The following SKI variants were observed in gnomAD, a reference collection of about 807,000 sequenced individuals.
The protein encoded by SKI is ski oncogene.
SKI carries 23 observed loss-of-function variants against 59.3 expected under a neutral mutation model. The observed-to-expected ratio is 0.39, with a 90% CI of 0.28 to 0.55. SKI has a LOEUF of 0.55. SKI is among the 20% of genes least tolerant of loss of function. The probability of loss-of-function intolerance (pLI) is 0.67; values close to 1 mark genes in which losing one functional copy is unlikely to be tolerated. For missense variants in SKI, 1,017 were observed against 1,038.9 expected (o/e 0.98, Z 0.29); for synonymous variants, 673 against 488.6 (o/e 1.38, Z -4.98).
chr1:2,229,941 C>T lies in SKI; in HGVS notation c.969+206C>T, dbSNP rs1191877043. Among the ~76,000 whole-genome samples, 1 of 152,226 alleles carries T rather than the reference C, an allele frequency of 6.6e-6. No homozygotes were observed. The highest frequency in any genetic ancestry group is 1.5e-5 in the Non-Finnish European group (1 of 68,044). The stretch of plus-strand genomic sequence containing the variant: ...TAGGAAGGCCCTCCTGCCCGTTCCC[C>T]AGGACGAGCCTGGAGTGCGGGCTGT... On this transcript the variant is annotated intron_variant, in intron 1 of 6. Transcript: ENST00000378536. This position sits in a 1 kb window ranked among gnomAD's most constrained non-coding sequence, Gnocchi z 6.3.
chr1:2,295,057 TAGA>T (rs1194509231), intron 1 of SKI, among the ~76,000 whole-genome samples: 1 of 152,218 alleles, frequency 6.6e-6, no homozygotes, highest in Non-Finnish European at 1.5e-5. Flanking sequence ...TGATGGGCTT[TAGA>T]AGGTGAAAAA....
At chr1:2,287,665 AG>A (rs530308736) in intron 1 of SKI, among the ~76,000 whole-genome samples, 4 of 151,510 alleles carry the variant, frequency 2.6e-5, no homozygotes, top group Admixed American at 2.0e-4. Context: ...GGTCTGCCGC[AG>A]GGGGGGTGTG....
chr1:2,241,520 G>A (rs1055405454), intron 1 of SKI, among the ~76,000 whole-genome samples: 3 of 152,120 alleles, frequency 2.0e-5, no homozygotes, highest in East Asian at 1.9e-4. Context: ...AGCCTCCCGA[G>A]TAGCTGGGAC....
Position 2,303,815 on chromosome 1 carries a change from T to G in SKI, c.1212-25T>G. ...GTGGTGCTTGGGGACAGAGGCACCT[T>G]CCCGACACCCGCCTGCCCCTCCAGC... is the stretch of plus-strand genomic sequence containing the variant. On this transcript the variant is annotated intron_variant, in intron 3 of 6. Transcript: ENST00000378536. This position sits in a 1 kb window ranked among gnomAD's most constrained non-coding sequence, Gnocchi z 5.6. 4 of 1,610,848 alleles carry G rather than the reference T, an allele frequency of 2.5e-6. No homozygotes were observed. The highest frequency in any genetic ancestry group is 3.4e-6 in the Non-Finnish European group (4 of 1,179,394).
At chr1:2,251,205 C>T (rs1003468917) in intron 1 of SKI, among the ~76,000 whole-genome samples, 15 of 152,306 alleles carry the variant, frequency 9.8e-5, no homozygotes, top group Admixed American at 3.3e-4. Context: ...GAGTCACTTA[C>T]TGTCCGTTCT....
intron 1 of SKI, among the ~76,000 whole-genome samples, chr1:2,275,499 G>C (rs1198674159): frequency 6.6e-6 from 1 of 152,114 alleles, no homozygotes; most frequent in East Asian, 1.9e-4. Flanking sequence ...GGGAGAGTTT[G>C]CTTTTTCCAG....
intron 1 of SKI, among the ~76,000 whole-genome samples, chr1:2,263,980 A>T (rs755318548): frequency 9.9e-5 from 15 of 151,850 alleles, no homozygotes; most frequent in Admixed American, 3.9e-4. Flanking sequence ...GTTCGAGAAC[A>T]GCCTGGGCAA....
At chr1:2,282,841 C>T (rs565797127) in intron 1 of SKI, among the ~76,000 whole-genome samples, 3 of 152,328 alleles carry the variant, frequency 2.0e-5, no homozygotes, top group African/African-American at 7.2e-5. Flanking sequence ...AAGGGTGGGT[C>T]TGGTTCTCAG....
In SKI at chr1:2,229,725, G is replaced by A. The variant is rs754316077; in HGVS notation, c.959G>A (p.Arg320Gln). The A allele has an allele frequency of 3.8e-6, 6 of 1,560,250 alleles. No individual in the cohort carries two copies. The highest frequency in any genetic ancestry group is 5.2e-6 in the Non-Finnish European group (6 of 1,152,820). Residue 320 changes from arginine (R) to glutamine (Q), a missense_variant, in exon 1 of 7, where the codon CGG (arginine) becomes CAG (glutamine). Arg to Gln is a conservative substitution (Grantham distance 43). Coordinates refer to ENST00000378536, the MANE Select transcript of SKI (RefSeq NM_003036.4). The surrounding 1 kb of genome is among the most constrained non-coding windows in gnomAD (Gnocchi z 6.3). Reference protein sequence around the residue: ...KFDYGNKYKRRVPRVSSEPPA... With the variant: ...KFDYGNKYKRQVPRVSSEPPA... The stretch of plus-strand genomic sequence containing the variant: ...GACTATGGCAACAAGTACAAGCGGC[G>A]GGTGCCCCGGGTGAGTGGCCCCAGG...
At chr1:2,258,796 C>T (rs1425388429) in intron 1 of SKI, among the ~76,000 whole-genome samples, 1 of 152,144 alleles carries the variant, frequency 6.6e-6, no homozygotes, top group African/African-American at 2.4e-5. Context: ...AGCTACCCAC[C>T]TTGGCCTCCC....
chr1:2,232,096 C>T (rs938255995), intron 1 of SKI, among the ~76,000 whole-genome samples: 30 of 152,248 alleles, frequency 2.0e-4, no homozygotes, highest in Non-Finnish European at 7.3e-5. Context: ...GCCCCGCCTC[C>T]GCCCTCACTG....
At chr1:2,233,888 C>CGT (rs1055223311) in intron 1 of SKI, among the ~76,000 whole-genome samples, 3 of 152,170 alleles carry the variant, frequency 2.0e-5, no homozygotes, top group African/African-American at 7.2e-5. Flanking sequence ...GCTCAGCGGC[C>CGT]GTGTGTGGGT....
chr1:2,302,178 T>A (rs1490060892), intron 1 of SKI, among the ~76,000 whole-genome samples: 1 of 152,136 alleles, frequency 6.6e-6, no homozygotes, highest in Non-Finnish European at 1.5e-5. Context: ...CACCTGGTTC[T>A]GAGTGGGCTG....
At chr1:2,293,598 C>G (rs1640216299) in intron 1 of SKI, among the ~76,000 whole-genome samples, 1 of 152,214 alleles carries the variant, frequency 6.6e-6, no homozygotes, top group African/African-American at 2.4e-5. Context: ...GCTCGAGCAT[C>G]TGGTATCTCC....
Position 2,246,058 on chromosome 1 carries a change from A to C in SKI, c.969+16323A>C, listed in dbSNP as rs189067173. On this transcript the variant is annotated intron_variant, in intron 1 of 6. Coordinates refer to ENST00000378536, the MANE Select transcript of SKI (RefSeq NM_003036.4). ...CCGTCATCCCGCCTCGGCCTCCCAA[A>C]GTGCTGGGATTACAGGCGTGAGCCA... Among the ~76,000 whole-genome samples, 713 of 152,180 alleles carry C rather than the reference A, an allele frequency of 4.7e-3. 3 individuals carry two copies. Among genetic ancestry groups the C allele is most frequent in the Non-Finnish European group, 7.5e-3 (507 of 67,984 alleles).
At chr1:2,275,398 G>A (rs1477300826) in intron 1 of SKI, among the ~76,000 whole-genome samples, 1 of 152,254 alleles carries the variant, frequency 6.6e-6, no homozygotes, top group Non-Finnish European at 1.5e-5. Flanking sequence ...CTTTTTAGGT[G>A]CTCTGAGGCG....
At chr1:2,299,818 C>T (rs1306616790) in intron 1 of SKI, among the ~76,000 whole-genome samples, 1 of 152,204 alleles carries the variant, frequency 6.6e-6, no homozygotes, top group African/African-American at 2.4e-5. Context: ...TTCCTGGCAC[C>T]TTACAGGCCT....
In SKI at chr1:2,306,753, G is replaced by A. The variant is rs1381348497; in HGVS notation, c.2175G>A (p.Glu725=). ...PEAAGSEGAA[E]LEP The stretch of plus-strand genomic sequence containing the variant: ...CTGCGGGCAGCGAGGGCGCTGCGGA[G>A]CTGGAGCCGTAGATTCCGTGCCTGC... Residue 725 remains glutamate, a synonymous_variant, in exon 7 of 7, where the codon GAG becomes GAA. Transcript: ENST00000378536. 2 of 1,522,188 alleles carry A rather than the reference G, an allele frequency of 1.3e-6. No individual in the cohort carries two copies. Among genetic ancestry groups the A allele is most frequent in the Non-Finnish European group, 1.8e-6 (2 of 1,138,090 alleles). 94.3% of individuals were successfully genotyped at this position (1,522,188 alleles called of 1,614,324 possible). A position where few individuals can be genotyped will look rare whatever the true frequency, so the allele number is the denominator to read the frequency against.
chr1:2,259,671 C>T (rs915562756), intron 1 of SKI, among the ~76,000 whole-genome samples: 1 of 152,192 alleles, frequency 6.6e-6, no homozygotes, highest in Non-Finnish European at 1.5e-5. Flanking sequence ...AGATGATGAA[C>T]CTGTCCGTCA....
Sources: gnomAD v4.1 joint callset for allele counts (sites outside exome capture counted in the v4.1 genomes callset) on GRCh38, gnomAD v4.1.1 for gene constraint, Gnocchi (gnomAD v3.1) non-coding constraint, MANE v1.5 for transcripts, NCBI Gene and HGNC (gene_info 2026-07-23, HGNC 2026-07-21) for gene names.